The following ZP1 variants were observed in gnomAD, a reference collection of about 807,000 sequenced individuals.
ZP1 encodes the protein zona pellucida sperm-binding protein 1.
Under a neutral mutation model 67.4 loss-of-function variants are expected in ZP1, and 58 were observed. That is an observed-to-expected ratio of 0.86 (90% CI 0.70 to 1.07). The LOEUF is 1.07. ZP1 is among the 50% of genes least tolerant of loss of function. The pLI is 0.00. For missense variants in ZP1, 759 were observed against 807.3 expected (o/e 0.94, Z 0.72); for synonymous variants, 333 against 332.7 (o/e 1.00, Z -0.01).
At position 60,869,793 on chromosome 11, in the gene ZP1, C is replaced by G. The variant is rs756476585; in HGVS notation, c.575C>G (p.Pro192Arg). 15 of 1,613,966 alleles carry G rather than the reference C, an allele frequency of 9.3e-6. No homozygotes were observed. The South Asian group carries it at 1.5e-4, about 17-fold the overall frequency. ...PLDPGHSSVH[P>R]TPALPSPGPG... ...GACCCAGGGCACAGCTCTGTCCACC[C>G]AACCCCTGCTTTACCATCCCCTGGA... The change falls in exon 3 of 12, where the codon CCA becomes CGA. Residue 192 changes from proline to arginine, a missense_variant. Pro to Arg is a moderately radical substitution (Grantham distance 103). Transcript: ENST00000278853.
In ZP1 at chr11:60,873,785, C is replaced by CCCGGCTG; in HGVS notation, c.1572+14_1572+20dup. On this transcript the variant is annotated intron_variant, in intron 9 of 11. Transcript: ENST00000278853. ...AGCCCTCAGAGGACTGGTAAGAAGC[C>CCCGGCTG]CCGGCTGCCGCATGCCTGGTCCCAT... 1 of 1,613,198 alleles carries CCCGGCTG rather than the reference C, an allele frequency of 6.2e-7. No homozygotes were observed. The highest frequency in any genetic ancestry group is 8.5e-7 in the Non-Finnish European group (1 of 1,180,012).
rs772246736 is a variant in ZP1 at position 60,874,926 on chromosome 11, C to T, written c.1573-7C>T. 2 of 1,614,022 alleles carry T rather than the reference C, an allele frequency of 1.2e-6. No individual in the cohort carries two copies. The highest frequency in any genetic ancestry group is 1.7e-6 in the Non-Finnish European group (2 of 1,179,990). On this transcript the variant is annotated splice_region_variant and splice_polypyrimidine_tract_variant and intron_variant, in intron 9 of 11. Coordinates refer to ENST00000278853, the MANE Select transcript of ZP1 (RefSeq NM_207341.4). ...CAGCCACTTTGATGTTCTTCTCCTT[C>T]CACCAGGTTTACTTGTTCTGCAGCA...
At position 60,869,714 on chromosome 11, in the gene ZP1, C is replaced by A. The variant is rs1202044281; in HGVS notation, c.496C>A (p.Pro166Thr). 1 of 1,614,014 alleles carries A rather than the reference C, an allele frequency of 6.2e-7. No individual in the cohort carries two copies. The highest frequency in any genetic ancestry group is 1.3e-5 in the African/African-American group (1 of 75,054). The change falls in exon 3 of 12, where the codon CCC becomes ACC. Residue 166 changes from proline (P) to threonine (T), a missense_variant. Transcript: ENST00000278853. ...VSTPQTLSFL[P>T]TSGHTSQGSG... The stretch of plus-strand genomic sequence containing the variant: ...AACCCCACAAACCCTTTCCTTCCTC[C>A]CCACCTCTGGCCATACCTCCCAAGG...
rs530146195 is a variant in ZP1 at position 60,873,652 on chromosome 11, C to G, written c.1449C>G (p.Asp483Glu). ...ILSDGCPFKG[D>E]SYRTQMVALD... ...TTCTCAGATGCCCTTTCAAGGGCGACAGCTACAGAACCCAAATGGTAGCCT... is the reference window on the plus strand; with the variant it reads ...TTCTCAGATGCCCTTTCAAGGGCGAGAGCTACAGAACCCAAATGGTAGCCT... Residue 483 changes from aspartate (D) to glutamate (E), a missense_variant, in exon 9 of 12, where the codon GAC becomes GAG. Transcript: ENST00000278853. 2 of 1,614,210 alleles carry G rather than the reference C, an allele frequency of 1.2e-6. No individual in the cohort carries two copies. Among genetic ancestry groups the G allele is most frequent in the East Asian group, 2.2e-5 (1 of 44,886 alleles).
Position 60,867,704 on chromosome 11 carries a change from T to A in ZP1, c.143T>A (p.Met48Lys), listed in dbSNP as rs759160255. The stretch of plus-strand genomic sequence containing the variant: ...AGCTACGACTGTGGGATCAAGGGAA[T>A]GCAGCTGCTGGTGTTCCCCAGGCCA... ...RHSYDCGIKG[M>K]QLLVFPRPGQ... The change falls in exon 1 of 12, where the codon ATG (methionine) becomes AAG (lysine). Residue 48 changes from methionine to lysine, a missense_variant. Physicochemically the swap from Met to Lys is moderately conservative, Grantham distance 95. Coordinates refer to ENST00000278853, the MANE Select transcript of ZP1 (RefSeq NM_207341.4). 2 of 1,613,912 alleles carry A rather than the reference T, an allele frequency of 1.2e-6. No individual in the cohort carries two copies. The highest frequency in any genetic ancestry group is 1.1e-5 in the South Asian group (1 of 91,064).
chr11:60,874,084 T>C (rs776358191), intron 9 of ZP1, among the ~76,000 whole-genome samples: 4 of 152,346 alleles, frequency 2.6e-5, no homozygotes, highest in African/African-American at 7.2e-5. Context: ...TGTAATTCTT[T>C]GAATTTTCTT....
rs1272926896 is a variant in ZP1, at chr11:60,873,361, C to T, written c.1241-14C>T. On this transcript the variant is annotated splice_polypyrimidine_tract_variant and intron_variant, in intron 7 of 11. Coordinates refer to ENST00000278853, the MANE Select transcript of ZP1 (RefSeq NM_207341.4). ...GCACAGCCCGCCCTGGCTCATGAGT[C>T]ACTCTCCCTGCAGACGAGACCTTCA... 2 of 1,596,066 alleles carry T rather than the reference C, an allele frequency of 1.3e-6. No homozygotes were observed. The highest frequency in any genetic ancestry group is 1.3e-5 in the African/African-American group (1 of 74,640).
chr11:60,873,145 T>C lies in ZP1; in HGVS notation c.1113-17T>C, dbSNP rs376395766. On this transcript the variant is annotated splice_polypyrimidine_tract_variant and intron_variant, in intron 6 of 11. Transcript: ENST00000278853. ...ATTCTGTGTCTTCTCCCCCACCCTC[T>C]TGCACGTGGACTTCAGGCTTCATGT... 1 of 1,538,028 alleles carries C rather than the reference T, an allele frequency of 6.5e-7. No homozygotes were observed. Among genetic ancestry groups the C allele is most frequent in the Non-Finnish European group, 8.8e-7 (1 of 1,141,758 alleles).
rs1855676440 is a variant in ZP1 at position 60,875,132 on chromosome 11, A to T, written c.1658A>T (p.Gln553Leu). Residue 553 changes from glutamine (Q) to leucine (L), a missense_variant, in exon 11 of 12, where the codon CAG becomes CTG. Coordinates refer to ENST00000278853, the MANE Select transcript of ZP1 (RefSeq NM_207341.4). ...ATTTCATTCTTCCCCTGGGCAGGAC[A>T]GCGACGATCCTCAGGTCACCGTAAT... is the stretch of plus-strand genomic sequence containing the variant. The part of the protein sequence containing the change: ...STACSTGTTR[Q>L]RRSSGHRNDT... 1 of 1,613,954 alleles carries T rather than the reference A, an allele frequency of 6.2e-7. No individual in the cohort carries two copies. Among genetic ancestry groups the T allele is most frequent in the African/African-American group, 1.3e-5 (1 of 75,078 alleles).
rs1319561806 is a variant in ZP1 at position 60,871,082 on chromosome 11, C to T, written c.952C>T (p.Gln318Ter). The T allele has an allele frequency of 6.2e-7, 1 of 1,614,254 alleles. No individual in the cohort carries two copies. The highest frequency in any genetic ancestry group is 1.1e-5 in the South Asian group (1 of 91,088). Reference protein sequence around the residue: ...AYAPTSCSPTQHTEAFVVFYF... With the variant: ...AYAPTSCSPT ...TGCCCCCACCAGCTGCTCCCCAACA[C>T]AGCACACGGAAGCTTTCGTGGTCTT... is the stretch of plus-strand genomic sequence containing the variant. Residue 318 changes from glutamine (Q) to a stop codon, truncating the protein, a stop_gained, in exon 5 of 12, where the codon CAG becomes TAG. Transcript: ENST00000278853. LOFTEE classifies it high-confidence loss of function.
At position 60,871,063 on chromosome 11, in the gene ZP1, C is replaced by G; in HGVS notation, c.933C>G (p.Pro311=). 1 of 1,614,268 alleles carries G rather than the reference C, an allele frequency of 6.2e-7. No homozygotes were observed. Among genetic ancestry groups the G allele is most frequent in the Non-Finnish European group, 8.5e-7 (1 of 1,180,052 alleles). Residue 311 remains proline, a synonymous_variant, in exon 5 of 12, where the codon CCC becomes CCG. Coordinates refer to ENST00000278853, the MANE Select transcript of ZP1 (RefSeq NM_207341.4). ...TLANIHLAYA[P]TSCSPTQHTE... ...CCAACATCCACCTGGCCTATGCCCC[C>G]ACCAGCTGCTCCCCAACACAGCACA... is the stretch of plus-strand genomic sequence containing the variant.
chr11:60,870,421 G>C lies in ZP1; in HGVS notation c.772G>C (p.Ala258Pro). ...AACTTCAAAAGAAGCCTGTCAGCAG[G>C]CTGGCTGCTGCTATGACAACACCAG... is the stretch of plus-strand genomic sequence containing the variant. ...RRTSKEACQQ[A>P]GCCYDNTREV... The change falls in exon 4 of 12, where the codon GCT (alanine) becomes CCT (proline). Residue 258 changes from alanine to proline, a missense_variant. Transcript: ENST00000278853. The C allele has an allele frequency of 1.2e-6, 2 of 1,613,382 alleles. No individual in the cohort carries two copies. Among genetic ancestry groups the C allele is most frequent in the South Asian group, 2.2e-5 (2 of 90,884 alleles).
At chr11:60,873,327 T>C in intron 7 of ZP1, 38 bp downstream of exon 7, 1 of 1,587,604 alleles carries the variant, frequency 6.3e-7, no homozygotes, top group Non-Finnish European at 8.6e-7. Context: ...TGGCCCCCAC[T>C]TCCCTGATGC....
In ZP1 at chr11:60,873,188, C is replaced by T; in HGVS notation, c.1139C>T (p.Ala380Val). The T allele has an allele frequency of 6.2e-7, 1 of 1,603,732 alleles. No individual in the cohort carries two copies. The highest frequency in any genetic ancestry group is 2.2e-5 in the East Asian group (1 of 44,846). ...CTTCATGTGCGCTGTGTCTTCAACG[C>T]CAGTGACTTCCTGCCCATTCAGGCA... ...FQLHVRCVFN[A>V]SDFLPIQASI... is the part of the protein sequence containing the mutation. The change falls in exon 7 of 12, where the codon GCC becomes GTC. Residue 380 changes from alanine to valine, a missense_variant. By Grantham distance (64) the Ala-to-Val change is moderately conservative. Coordinates refer to ENST00000278853, the MANE Select transcript of ZP1 (RefSeq NM_207341.4).
In ZP1 at chr11:60,873,234, G is replaced by A. The variant is rs561647683; in HGVS notation, c.1185G>A (p.Ser395=). 2.1e-5 allele frequency: 33 copies of A among 1,605,076 alleles called. 1 individual carries two copies. The Admixed American group carries it at 2.5e-4, about 12-fold the overall frequency. ...PIQASIFPPP[S]PAPMTQPGPL... is the part of the protein sequence containing the mutation. ...AGGCATCCATTTTCCCACCCCCATCGCCTGCTCCTATGACCCAGCCCGGCC... is the reference window on the plus strand; with the variant it reads ...AGGCATCCATTTTCCCACCCCCATCACCTGCTCCTATGACCCAGCCCGGCC... Residue 395 remains serine, a synonymous_variant, in exon 7 of 12, where the codon TCG becomes TCA. Coordinates refer to ENST00000278853, the MANE Select transcript of ZP1 (RefSeq NM_207341.4).
intron 1 of ZP1, among the ~76,000 whole-genome samples, chr11:60,868,115 T>C (rs1855504245): frequency 6.6e-6 from 1 of 151,278 alleles, no homozygotes; most frequent in Non-Finnish European, 1.5e-5. Context: ...TGGCACGATC[T>C]CAGCTCACTG....
Position 60,869,811 on chromosome 11 carries a change from C to A in ZP1, c.593C>A (p.Ser198Tyr). 6.2e-7 allele frequency: 1 copy of A among 1,613,230 alleles called. No individual in the cohort carries two copies. ...GTCCACCCAACCCCTGCTTTACCAT[C>A]CCCTGGACCTGGACCTACCCTCGCC... ...SSVHPTPALP[S>Y]PGPGPTLATL... The change falls in exon 3 of 12, where the codon TCC becomes TAC. Residue 198 changes from serine (S) to tyrosine (Y), a missense_variant. By Grantham distance (144) the Ser-to-Tyr change is moderately radical. Transcript: ENST00000278853.
rs1174011397 is a variant in ZP1, at chr11:60,871,291, C to T, written c.1089C>T (p.Ser363=). 4 of 1,613,914 alleles carry T rather than the reference C, an allele frequency of 2.5e-6. No individual in the cohort carries two copies. The highest frequency in any genetic ancestry group is 1.3e-5 in the African/African-American group (1 of 75,066). ...GIHIQKGPQG[S]ITRDSTFQLH... ...ACATCCAAAAGGGGCCACAGGGTTC[C>T]ATCACGCGGGACAGCACCTTCCAGT... is the stretch of plus-strand genomic sequence containing the variant. Residue 363 remains serine (S), a synonymous_variant, in exon 6 of 12, where the codon TCC becomes TCT. Transcript: ENST00000278853.
At chr11:60,870,830 CA>C in intron 4 of ZP1, 126 bp from the exon 5 acceptor site, 1 of 1,097,012 alleles carries the variant, frequency 9.1e-7, no homozygotes, top group South Asian at 1.5e-5. Context: ...GGGCCAACAC[CA>C]GCCTAAGTGG....
Sources: allele counts gnomAD v4.1 joint callset (sites outside exome capture counted in the v4.1 genomes callset), GRCh38; gene constraint gnomAD v4.1.1; transcripts MANE v1.5; gene names NCBI Gene and HGNC (gene_info 2026-07-23, HGNC 2026-07-21).